STING1: variants seen among roughly 807,000 people sequenced by gnomAD.
STING1 encodes stimulator of interferon genes protein.
In STING1, 19 loss-of-function variants were observed where a neutral mutation model predicts 31.6. That is an observed-to-expected ratio of 0.60 (90% CI 0.42 to 0.88). The LOEUF (loss-of-function observed/expected upper bound fraction) is 0.88, where lower values mean the gene tolerates loss of function less well. Ranked by LOEUF, STING1 falls within the 40% of genes least tolerant of loss-of-function variation. STING1 has a pLI of 0.00. For missense variants in STING1, 371 were observed against 483.7 expected (o/e 0.77, Z 2.19); for synonymous variants, 200 against 208.6 (o/e 0.96, Z 0.35).
Position 139,476,995 on chromosome 5 carries a change from C to T in STING1, c.946+334G>A, listed in dbSNP as rs73257329. On this transcript the variant is annotated intron_variant, in intron 7 of 7. Transcript: ENST00000330794. ...GCTCAGAGAGGAGCAGAAACCTGCC[C>T]GAGGTCACACAGTGAGGGAGTAGTA... 9.9e-5 allele frequency among the ~76,000 whole-genome samples: 15 copies of T among 152,056 alleles called. No homozygotes were observed. The South Asian group carries it at 2.9e-3, about 29-fold the overall frequency.
chr5:139,480,924 G>T (rs756565318), intron 4 of STING1, 26 bp from the exon 5 acceptor site: 3 of 1,560,204 alleles, frequency 1.9e-6, no homozygotes, highest in South Asian at 2.2e-5. Context: ...TGTGGCTGGG[G>T]GGCCTCCATC....
Position 139,481,645 on chromosome 5 carries a change from C to T in STING1, c.60G>A (p.Lys20=), listed in dbSNP as rs1468672519. 1.9e-6 allele frequency: 3 copies of T among 1,611,806 alleles called. No homozygotes were observed. In the Admixed American group the frequency reaches 5.0e-5, roughly 27 times the overall value. The change falls in exon 3 of 8, where the codon AAG becomes AAA. Residue 20 remains lysine (K), a synonymous_variant. Transcript: ENST00000330794. The surrounding 1 kb of genome is among the most constrained non-coding windows in gnomAD (Gnocchi z 4.1). Reference sequence around the variant, plus strand: ...AGGCACTCAGCAGAACCAAGGCTGCCTTCTGGGCCCCGTGACCCCTGGGAC... The same window carrying T: ...AGGCACTCAGCAGAACCAAGGCTGCTTTCTGGGCCCCGTGACCCCTGGGAC... The part of the protein sequence containing the change: ...IPCPRGHGAQ[K]AALVLLSACL...
rs551196254 is a variant in STING1 at position 139,481,107 on chromosome 5, A to G, written c.411+52T>C. ...CAGTACTCAGCTCAGGGCAGGTCAC[A>G]CCAGCCACAGCCACCACTTGGCCAG... On this transcript the variant is annotated intron_variant, in intron 4 of 7. Transcript: ENST00000330794. The surrounding 1 kb of genome is among the most constrained non-coding windows in gnomAD (Gnocchi z 4.1). 7.2e-5 allele frequency: 115 copies of G among 1,588,566 alleles called. No individual in the cohort carries two copies. Among genetic ancestry groups the G allele is most frequent in the Non-Finnish European group, 9.5e-5 (110 of 1,159,002 alleles).
chr5:139,480,814 C>G lies in STING1; in HGVS notation c.496G>C (p.Gly166Arg). 6.2e-7 allele frequency: 1 copy of G among 1,613,672 alleles called. No individual in the cohort carries two copies. The highest frequency in any genetic ancestry group is 8.5e-7 in the Non-Finnish European group (1 of 1,179,598). Reference sequence around the variant, plus strand: ...CCTGGCAGGATCAGCCGCAGATATCCGATGTAATATGACCATGCCAGCCCA... The same window carrying G: ...CCTGGCAGGATCAGCCGCAGATATCGGATGTAATATGACCATGCCAGCCCA... Reference protein sequence around the residue: ...AHGLAWSYYIGYLRLILPELQ... With the variant: ...AHGLAWSYYIRYLRLILPELQ... Residue 166 changes from glycine to arginine, a missense_variant, in exon 5 of 8, where the codon GGA becomes CGA. By Grantham distance (125) the Gly-to-Arg change is moderately radical. Coordinates refer to ENST00000330794, the MANE Select transcript of STING1 (RefSeq NM_198282.4).
At chr5:139,477,640 T>C in intron 6 of STING1, 125 bp from the exon 7 acceptor site, 3 of 1,002,438 alleles carry the variant, frequency 3.0e-6, no homozygotes, top group Middle Eastern at 2.8e-4. Flanking sequence ...CCTGTAACGA[T>C]AGAGTCCTGG....
rs151074578 is a variant in STING1 at position 139,481,440 on chromosome 5, C to A, written c.227+38G>T. 6.2e-7 allele frequency: 1 copy of A among 1,602,852 alleles called. No homozygotes were observed. The highest frequency in any genetic ancestry group is 8.5e-7 in the Non-Finnish European group (1 of 1,172,174). ...GGCTAGGCATCAAGGGAGTGACACACGTTGGATACCCCGTCCCTGGGTACT... is the reference window on the plus strand; with the variant it reads ...GGCTAGGCATCAAGGGAGTGACACAAGTTGGATACCCCGTCCCTGGGTACT... On this transcript the variant is annotated intron_variant, in intron 3 of 7. Coordinates refer to ENST00000330794, the MANE Select transcript of STING1 (RefSeq NM_198282.4). This position sits in a 1 kb window ranked among gnomAD's most constrained non-coding sequence, Gnocchi z 4.1.
intron 2 of STING1, 183 bp downstream of exon 2, chr5:139,482,027 A>G (rs1751867294): frequency 3.9e-6 from 1 of 254,680 alleles, no homozygotes. Context: ...AGCCGTACCC[A>G]ACCAAGAACC....
chr5:139,477,264 A>G, intron 7 of STING1, 65 bp downstream of exon 7: 1 of 1,540,216 alleles, frequency 6.5e-7, no homozygotes, highest in Non-Finnish European at 8.8e-7. Context: ...TCTTTGGGAG[A>G]CCCTGGGACC....
At position 139,481,555 on chromosome 5, in the gene STING1, G is replaced by A. The variant is rs1177793894; in HGVS notation, c.150C>T (p.His50=). 2 of 1,613,982 alleles carry A rather than the reference G, an allele frequency of 1.2e-6. No homozygotes were observed. Among genetic ancestry groups the A allele is most frequent in the Non-Finnish European group, 1.7e-6 (2 of 1,179,990 alleles). Residue 50 remains histidine, a synonymous_variant, in exon 3 of 8, where the codon CAC becomes CAT. Transcript: ENST00000330794. This position sits in a 1 kb window ranked among gnomAD's most constrained non-coding sequence, Gnocchi z 4.1. ...PEHTLRYLVL[H]LASLQLGLLL... is the part of the protein sequence containing the mutation. ...GCAGTCCCAGCTGCAGGGAGGCTAG[G>A]TGGAGCACCAGGTACCGGAGAGTGT...
At chr5:139,480,199 C>CA (rs1751796580) in intron 5 of STING1, among the ~76,000 whole-genome samples, 1 of 151,978 alleles carries the variant, frequency 6.6e-6, no homozygotes, top group Non-Finnish European at 1.5e-5. Flanking sequence ...ATTATTCCTT[C>CA]CTCATAGGGT....
At chr5:139,477,022 A>C (rs998223820) in intron 7 of STING1, among the ~76,000 whole-genome samples, 1 of 152,134 alleles carries the variant, frequency 6.6e-6, no homozygotes, top group Non-Finnish European at 1.5e-5. Context: ...GGAGTAGTAG[A>C]GCCGAGGCTG....
Position 139,481,037 on chromosome 5 carries a change from T to A in STING1, c.411+122A>T. On this transcript the variant is annotated intron_variant, in intron 4 of 7. Coordinates refer to ENST00000330794, the MANE Select transcript of STING1 (RefSeq NM_198282.4). This position sits in a 1 kb window ranked among gnomAD's most constrained non-coding sequence, Gnocchi z 4.1. ...CCAAACCCACTGTTCCAGGACATTA[T>A]AGGTTCTACTCCATGGACTCCAGCC... 1 of 1,212,232 alleles carries A rather than the reference T, an allele frequency of 8.2e-7. No homozygotes were observed. The highest frequency in any genetic ancestry group is 1.2e-6 in the Non-Finnish European group (1 of 828,064). 75.1% of individuals were successfully genotyped at this position (1,212,232 alleles called of 1,614,324 possible).
chr5:139,477,407 G>A lies in STING1; in HGVS notation c.868C>T (p.Leu290Phe). Residue 290 changes from leucine to phenylalanine, a missense_variant, in exon 7 of 8, where the codon CTC becomes TTC. Leu to Phe is a conservative substitution (Grantham distance 22). Coordinates refer to ENST00000330794, the MANE Select transcript of STING1 (RefSeq NM_198282.4). ...ATGTCCTCAAGTGTCCGGCAGAAGAGTTTGGCCTGCTCAAGCCTATCCTCC... is the reference window on the plus strand; with the variant it reads ...ATGTCCTCAAGTGTCCGGCAGAAGAATTTGGCCTGCTCAAGCCTATCCTCC... ...SREDRLEQAK[L>F]FCRTLEDILA... is the part of the protein sequence containing the mutation. The A allele has an allele frequency of 6.2e-7, 1 of 1,614,228 alleles. No individual in the cohort carries two copies. The highest frequency in any genetic ancestry group is 8.5e-7 in the Non-Finnish European group (1 of 1,180,034).
At position 139,478,383 on chromosome 5, in the gene STING1, C is replaced by T; in HGVS notation, c.646G>A (p.Asp216Asn). ...TTATCCAGGAAGCGAATGTTGGGGT[C>T]AGCCATACTCAGGTTATCAGGCACC... is the stretch of plus-strand genomic sequence containing the variant. ...CGVPDNLSMA[D>N]PNIRFLDKLP... is the part of the protein sequence containing the mutation. Residue 216 changes from aspartate to asparagine, a missense_variant, in exon 6 of 8, where the codon GAC becomes AAC. By Grantham distance (23) the Asp-to-Asn change is conservative. Transcript: ENST00000330794. 1 of 1,614,160 alleles carries T rather than the reference C, an allele frequency of 6.2e-7. No homozygotes were observed. Among genetic ancestry groups the T allele is most frequent in the Non-Finnish European group, 8.5e-7 (1 of 1,180,014 alleles).
Position 139,481,314 on chromosome 5 carries a change from G to C in STING1, c.256C>G (p.Arg86Gly). 1 of 1,604,792 alleles carries C rather than the reference G, an allele frequency of 6.2e-7. No individual in the cohort carries two copies. The highest frequency in any genetic ancestry group is 8.5e-7 in the Non-Finnish European group (1 of 1,175,374). ...CGGAGGGGGCAGCCCAGGCAGGCCCGCACAGTCCTCCAGTAGCTGCCCCGG... is the reference window on the plus strand; with the variant it reads ...CGGAGGGGGCAGCCCAGGCAGGCCCCCACAGTCCTCCAGTAGCTGCCCCGG... ...RYRGSYWRTV[R>G]ACLGCPLRRG... The change falls in exon 4 of 8, where the codon CGG becomes GGG. Residue 86 changes from arginine to glycine, a missense_variant. Coordinates refer to ENST00000330794, the MANE Select transcript of STING1 (RefSeq NM_198282.4). The surrounding 1 kb of genome is among the most constrained non-coding windows in gnomAD (Gnocchi z 4.1).
intron 5 of STING1, chr5:139,478,766 G>A (rs1487795675): frequency 4.4e-6 from 2 of 453,032 alleles, no homozygotes; most frequent in South Asian, 5.2e-5. Context: ...TTCCACCATG[G>A]CTTTCAGGGC....
Position 139,476,179 on chromosome 5 carries a change from G to T in STING1, c.*82C>A. On this transcript the variant is annotated 3_prime_UTR_variant, in exon 8 of 8. Transcript: ENST00000330794. ...GCCCCCTGTGGAAGGAAATAGCTCT[G>T]CTGGACATTCAGCCACTGAAGAGAG... The T allele has an allele frequency of 1.7e-6, 2 of 1,143,810 alleles. No individual in the cohort carries two copies. The highest frequency in any genetic ancestry group is 2.5e-6 in the Non-Finnish European group (2 of 806,206). The allele number at this position is 1,143,810 out of a possible 1,614,324, so 70.9% of individuals were successfully genotyped here.
intron 5 of STING1, 184 bp from the exon 6 acceptor site, chr5:139,478,692 T>C: frequency 1.6e-6 from 1 of 614,038 alleles, no homozygotes; most frequent in South Asian, 1.9e-5. Flanking sequence ...ACCCCTCCTC[T>C]TACTGCACCA....
chr5:139,479,716 AT>A (rs1399424842), intron 5 of STING1, among the ~76,000 whole-genome samples: 1 of 148,962 alleles, frequency 6.7e-6, no homozygotes, highest in Admixed American at 6.7e-5. Flanking sequence ...AAAAAAAAAA[AT>A]CTAAGGCTGG....
Sources: gnomAD v4.1 joint callset for allele counts (sites outside exome capture counted in the v4.1 genomes callset) on GRCh38, gnomAD v4.1.1 for gene constraint, Gnocchi (gnomAD v3.1) non-coding constraint, MANE v1.5 for transcripts, NCBI Gene and HGNC (gene_info 2026-07-23, HGNC 2026-07-21) for gene names.